Variants in E2F4 observed in about 807,000 individuals in gnomAD.
E2F4 encodes the protein transcription factor E2F4.
A neutral mutation model predicts 44.5 loss-of-function variants in E2F4; 16 were observed. The observed-to-expected ratio is 0.36, with a 90% CI of 0.24 to 0.55. The LOEUF is 0.55. E2F4 is among the 20% of genes least tolerant of loss of function. E2F4 has a pLI of 0.87. For missense variants in E2F4, 473 were observed against 522.1 expected, an observed-to-expected ratio of 0.91 and a Z score of 0.92; for synonymous variants, 242 against 207.2, an observed-to-expected ratio of 1.17 and a Z score of -1.44.
chr16:67,198,440 T>G lies in E2F4; in HGVS notation c.*317T>G. 1.5e-5 allele frequency: 5 copies of G among 341,798 alleles called. No individual in the cohort carries two copies. Among genetic ancestry groups the G allele is most frequent in the Non-Finnish European group, 2.8e-5 (5 of 179,616 alleles). 21.2% of individuals were successfully genotyped at this position (341,798 alleles called of 1,614,324 possible). ...ACCGAGGAGCTGCCATTACCCCCCA[T>G]AGGGGGCAGTGTCTTGTTCCTGCCA... On this transcript the variant is annotated 3_prime_UTR_variant, in exon 10 of 10. Transcript: ENST00000379378.
Position 67,192,171 on chromosome 16 carries a change from G to C in E2F4, c.-57G>C. 1.7e-6 allele frequency: 2 copies of C among 1,198,666 alleles called. No individual in the cohort carries two copies. The highest frequency in any genetic ancestry group is 1.0e-6 in the Non-Finnish European group (1 of 965,914). The allele number at this position is 1,198,666 out of a possible 1,614,324, so 74.3% of individuals were successfully genotyped here. A position where few individuals can be genotyped will look rare whatever the true frequency, so the allele number is the denominator to read the frequency against. ...CCGGCGGCCAGGAACGGAAGCGGAA[G>C]TGGCGGCGGCGCCGGCCTGGCCTGG... On this transcript the variant is annotated 5_prime_UTR_variant, in exon 1 of 10. Transcript: ENST00000379378.
intron 1 of E2F4, 101 bp from the exon 2 acceptor site, chr16:67,192,660 A>G (rs940887724): frequency 5.1e-6 from 6 of 1,174,170 alleles, no homozygotes; most frequent in Non-Finnish European, 6.1e-6. Context: ...GGGAGGCACT[A>G]CAGGGTTGGA....
chr16:67,198,350 G>A lies in E2F4; in HGVS notation c.*227G>A, dbSNP rs375824254. ...CAGCCCCCATCACCGTGGAGCCAAA[G>A]TGTTTGCTTCTCCCTTTCTGCGGCC... is the stretch of plus-strand genomic sequence containing the variant. On this transcript the variant is annotated 3_prime_UTR_variant, in exon 10 of 10. Coordinates refer to ENST00000379378, the MANE Select transcript of E2F4 (RefSeq NM_001950.4). 1.6e-5 allele frequency: 9 copies of A among 548,912 alleles called. No homozygotes were observed. Among genetic ancestry groups the A allele is most frequent in the African/African-American group, 1.1e-4 (6 of 52,830 alleles). 34.0% of individuals were successfully genotyped at this position (548,912 alleles called of 1,614,324 possible). A position where few individuals can be genotyped will look rare whatever the true frequency, so the allele number is the denominator to read the frequency against.
At chr16:67,196,685 A>C (rs1597276644) in intron 7 of E2F4, among the ~76,000 whole-genome samples, 1 of 152,136 alleles carries the variant, frequency 6.6e-6, no homozygotes, top group African/African-American at 2.4e-5. Context: ...TTCGGTGTCC[A>C]CCTGCCGTCC....
At chr16:67,197,572 C>T in intron 7 of E2F4, 27 bp from the exon 8 acceptor site, 2 of 1,613,864 alleles carry the variant, frequency 1.2e-6, no homozygotes, top group Non-Finnish European at 1.7e-6. Flanking sequence ...ACCTCTGTGC[C>T]CTGAGCATGG....
Position 67,194,953 on chromosome 16 carries a change from A to C in E2F4, c.781A>C (p.Met261Leu). The change falls in exon 6 of 10, where the codon ATG (methionine) becomes CTG (leucine). Residue 261 changes from methionine (M) to leucine (L), a missense_variant. Coordinates refer to ENST00000379378, the MANE Select transcript of E2F4 (RefSeq NM_001950.4). ...AVPGSAEVQG[M>L]AGPAAEITVS... ...CCCTGGCAGTGCAGAAGTCCAGGGAATGGCTGGCCCAGCAGCTGAGATCAC... is the reference window on the plus strand; with the variant it reads ...CCCTGGCAGTGCAGAAGTCCAGGGACTGGCTGGCCCAGCAGCTGAGATCAC... 6.2e-7 allele frequency: 1 copy of C among 1,613,844 alleles called. No homozygotes were observed. The highest frequency in any genetic ancestry group is 8.5e-7 in the Non-Finnish European group (1 of 1,179,804).
intron 3 of E2F4, 59 bp from the exon 4 acceptor site, chr16:67,193,413 T>C (rs765355963): frequency 9.3e-6 from 15 of 1,605,998 alleles, no homozygotes; most frequent in Non-Finnish European, 9.4e-6. Context: ...AATTGGGTCT[T>C]TTCTGTAGTC....
At chr16:67,194,546 G>A in intron 5 of E2F4, 87 bp downstream of exon 5, 2 of 1,583,690 alleles carry the variant, frequency 1.3e-6, no homozygotes, top group Non-Finnish European at 1.7e-6. Context: ...GCAAGTAGGG[G>A]GAGGCCTGGA....
intron 7 of E2F4, among the ~76,000 whole-genome samples, chr16:67,196,389 C>T (rs1044848506): frequency 3.3e-5 from 5 of 152,218 alleles, no homozygotes; most frequent in South Asian, 2.1e-4. Context: ...AGTGTTACAG[C>T]GGTGTTACTC....
rs907111651 is a variant in E2F4, at chr16:67,193,034, C to T, written c.271C>T (p.Arg91Trp). ...WKGVGPGCNT[R>W]EIADKLIELK... ...GGGTGTGGGGCCTGGCTGCAATACCCGGGAGATTGCTGACAAACTGATTGA... is the reference window on the plus strand; with the variant it reads ...GGGTGTGGGGCCTGGCTGCAATACCTGGGAGATTGCTGACAAACTGATTGA... The change falls in exon 3 of 10, where the codon CGG becomes TGG. Residue 91 changes from arginine to tryptophan, a missense_variant. Arg to Trp is a moderately radical substitution (Grantham distance 101). Transcript: ENST00000379378. 1.3e-5 allele frequency: 21 copies of T among 1,571,726 alleles called. No homozygotes were observed. Among genetic ancestry groups the T allele is most frequent in the Admixed American group, 1.9e-5 (1 of 53,292 alleles).
Position 67,198,747 on chromosome 16 carries a change from C to G in E2F4, c.*624C>G, listed in dbSNP as rs909509274. 9 of 193,238 alleles carry G rather than the reference C, an allele frequency of 4.7e-5. No homozygotes were observed. Among genetic ancestry groups the G allele is most frequent in the African/African-American group, 2.1e-4 (9 of 42,196 alleles). The allele number at this position is 193,238 out of a possible 1,614,324, so 12.0% of individuals were successfully genotyped here. ...ACCTCCTGCTGCCCCATAACCCTCT[C>G]TTCATTTCGGCTTTTTCATTTACCC... is the stretch of plus-strand genomic sequence containing the variant. On this transcript the variant is annotated 3_prime_UTR_variant, in exon 10 of 10. Coordinates refer to ENST00000379378, the MANE Select transcript of E2F4 (RefSeq NM_001950.4).
chr16:67,193,741 T>G (rs1288542087), intron 4 of E2F4, among the ~76,000 whole-genome samples: 1 of 152,162 alleles, frequency 6.6e-6, no homozygotes, highest in East Asian at 1.9e-4. Context: ...CTGGGTCTGT[T>G]CCCATCTCTA....
rs766653093 is a variant in E2F4 at position 67,195,893 on chromosome 16, G to A, written c.920G>A (p.Ser307Asn). The A allele has an allele frequency of 4.9e-6, 5 of 1,015,098 alleles. No individual in the cohort carries two copies. The highest frequency in any genetic ancestry group is 6.2e-6 in the Non-Finnish European group (5 of 808,866). 62.9% of individuals were successfully genotyped at this position (1,015,098 alleles called of 1,614,324 possible). A position where few individuals can be genotyped will look rare whatever the true frequency, so the allele number is the denominator to read the frequency against. Residue 307 changes from serine to asparagine, a missense_variant, in exon 7 of 10, where the codon AGC becomes AAC. Around this residue, in one of 3 missense-constraint regions of E2F4, gnomAD observed 314 missense variants for 315.6 expected, o/e 0.99. Coordinates refer to ENST00000379378, the MANE Select transcript of E2F4 (RefSeq NM_001950.4). Reference sequence around the variant, plus strand: ...CTGCAGTCTTCTGCCCTGCTGGACAGCAGCAGCAGCAGCAGCAGCAGCAGC... The same window carrying A: ...CTGCAGTCTTCTGCCCTGCTGGACAACAGCAGCAGCAGCAGCAGCAGCAGC... ...RPLQSSALLD[S>N]SSSSSSSSSS... is the part of the protein sequence containing the mutation.
At chr16:67,192,426 A>G (rs2032901112) in intron 1 of E2F4, 64 bp downstream of exon 1, 1 of 1,399,090 alleles carries the variant, frequency 7.1e-7, no homozygotes, top group Middle Eastern at 2.6e-4. Flanking sequence ...GGTAGCGGGA[A>G]CCCCGGGGGC....
chr16:67,193,208 A>AG (rs1178437160), intron 3 of E2F4, 38 bp downstream of exon 3: 7 of 1,548,524 alleles, frequency 4.5e-6, no homozygotes, highest in Non-Finnish European at 6.1e-6. Context: ...GGAGTGGGCA[A>AG]GGGGCCCTCT....
At position 67,194,740 on chromosome 16, in the gene E2F4, A is replaced by G. The variant is rs76429782; in HGVS notation, c.568A>G (p.Ile190Val). 1.1e-5 allele frequency: 17 copies of G among 1,614,044 alleles called. No individual in the cohort carries two copies. In the East Asian group the frequency reaches 1.6e-4, roughly 15 times the overall value. Residue 190 changes from isoleucine (I) to valine (V), a missense_variant, in exon 6 of 10, where the codon ATT (isoleucine) becomes GTT (valine). Physicochemically the swap from Ile to Val is conservative, Grantham distance 29 (BLOSUM62 3). Coordinates refer to ENST00000379378, the MANE Select transcript of E2F4 (RefSeq NM_001950.4). Reference protein sequence around the residue: ...QIHLKSVSGPIEVLLVNKEAW... With the variant: ...QIHLKSVSGPVEVLLVNKEAW... ...TCACCTGAAGAGTGTGAGTGGTCCCATTGAGGTTCTGCTGGTGAACAAGGA... is the reference window on the plus strand; with the variant it reads ...TCACCTGAAGAGTGTGAGTGGTCCCGTTGAGGTTCTGCTGGTGAACAAGGA...
intron 3 of E2F4, 39 bp downstream of exon 3, chr16:67,193,209 G>C: frequency 1.1e-5 from 17 of 1,546,132 alleles, no homozygotes; most frequent in East Asian, 2.4e-5. Flanking sequence ...GAGTGGGCAA[G>C]GGGCCCTCTG....
rs942020951 is a variant in E2F4 at position 67,194,408 on chromosome 16, C to T, written c.462C>T (p.Leu154=). Reference sequence around the variant, plus strand: ...TCCATGTCATTCTAGGAGATACCCTCTTGGCCATCCGGGCCCCATCAGGCA... The same window carrying T: ...TCCATGTCATTCTAGGAGATACCCTTTTGGCCATCCGGGCCCCATCAGGCA... ...DICRCFAGDT[L]LAIRAPSGTS... is the part of the protein sequence containing the mutation. The change falls in exon 5 of 10, where the codon CTC becomes CTT. Residue 154 remains leucine, a synonymous_variant. Transcript: ENST00000379378. The T allele has an allele frequency of 8.1e-6, 13 of 1,613,992 alleles. No individual in the cohort carries two copies. The highest frequency in any genetic ancestry group is 1.1e-5 in the Non-Finnish European group (13 of 1,180,022).
intron 1 of E2F4, 55 bp from the exon 2 acceptor site, chr16:67,192,706 G>A: frequency 6.7e-7 from 1 of 1,500,396 alleles, no homozygotes; most frequent in Non-Finnish European, 9.1e-7. Context: ...ACGTCTCAGG[G>A]TGGCTGGGGG....
Sources: allele counts gnomAD v4.1 joint callset (sites outside exome capture counted in the v4.1 genomes callset), GRCh38; gene constraint gnomAD v4.1.1; regional missense constraint gnomAD v4.1.1; transcripts MANE v1.5; gene names NCBI Gene and HGNC (gene_info 2026-07-23, HGNC 2026-07-21).